Variants in MTHFD2L observed in about 807,000 individuals in gnomAD.
The protein encoded by MTHFD2L is methylenetetrahydrofolate dehydrogenase (NADP+ dependent) 2 like, also known as bifunctional methylenetetrahydrofolate dehydrogenase/cyclohydrolase 2, mitochondrial.
A neutral mutation model predicts 34.9 loss-of-function variants in MTHFD2L; 29 were observed. The ratio of observed to expected loss-of-function variants is 0.83; its 90% CI spans 0.62 to 1.13. The LOEUF (loss-of-function observed/expected upper bound fraction) is 1.13, where lower values mean the gene tolerates loss of function less well. MTHFD2L is among the 50% of genes most tolerant of loss of function. The probability of loss-of-function intolerance (pLI) is 0.00; values close to 1 mark genes in which losing one functional copy is unlikely to be tolerated. For synonymous variants in MTHFD2L, 167 were observed against 155.7 expected, an observed-to-expected ratio of 1.07 and a Z score of -0.54; for missense variants, 481 against 446.5, an observed-to-expected ratio of 1.08 and a Z score of -0.70.
At chr4:74,275,868 T>C (rs1173167812) in intron 6 of MTHFD2L, among the ~76,000 whole-genome samples, 2 of 152,164 alleles carry the variant, frequency 1.3e-5, no homozygotes, top group African/African-American at 2.4e-5. Context: ...ATATGGTAGA[T>C]TGCAAAAATT....
intron 7 of MTHFD2L, among the ~76,000 whole-genome samples, chr4:74,289,793 T>C (rs1052362430): frequency 4.0e-5 from 6 of 151,570 alleles, no homozygotes; most frequent in African/African-American, 7.3e-5. Flanking sequence ...AAGAGAAGAA[T>C]CAATCAAGTG....
At chr4:74,233,470 T>G (rs1293850346) in intron 6 of MTHFD2L, among the ~76,000 whole-genome samples, 4 of 152,142 alleles carry the variant, frequency 2.6e-5, no homozygotes, top group Non-Finnish European at 4.4e-5. Context: ...GAGAATTACA[T>G]CCTTAGCACA....
At chr4:74,130,765 G>C (rs1030162024) in intron 1 of MTHFD2L, among the ~76,000 whole-genome samples, 5 of 151,994 alleles carry the variant, frequency 3.3e-5, no homozygotes, top group South Asian at 2.1e-4. Flanking sequence ...AGAAATAAAG[G>C]GTATTCAAAT....
chr4:74,295,523 C>T (rs1749521686), intron 7 of MTHFD2L, among the ~76,000 whole-genome samples: 1 of 152,098 alleles, frequency 6.6e-6, no homozygotes, highest in Admixed American at 6.6e-5. Context: ...TTCCTTTCAC[C>T]CCAGATATTA....
intron 7 of MTHFD2L, among the ~76,000 whole-genome samples, chr4:74,282,581 A>G (rs1747640374): frequency 6.6e-6 from 1 of 152,144 alleles, no homozygotes; most frequent in Non-Finnish European, 1.5e-5. Flanking sequence ...CTGGCCCTAT[A>G]TATGTGAGAT....
chr4:74,126,993 A>G (rs1722127628), intron 1 of MTHFD2L, among the ~76,000 whole-genome samples: 2 of 152,088 alleles, frequency 1.3e-5, no homozygotes, highest in African/African-American at 4.8e-5. Context: ...ATGAGTTATC[A>G]TGAGGTCTGA....
At chr4:74,127,759 T>C (rs1193343467) in intron 1 of MTHFD2L, among the ~76,000 whole-genome samples, 3 of 152,186 alleles carry the variant, frequency 2.0e-5, no homozygotes, top group African/African-American at 7.2e-5. Context: ...CTTTTGGATA[T>C]ATACCCAGTA....
intron 3 of MTHFD2L, among the ~76,000 whole-genome samples, chr4:74,197,327 C>T (rs1436769403): frequency 6.6e-6 from 1 of 152,098 alleles, no homozygotes; most frequent in Admixed American, 6.6e-5. Context: ...AGCAGTCAGT[C>T]ACAAACAGGA....
intron 6 of MTHFD2L, among the ~76,000 whole-genome samples, chr4:74,259,333 TGGGTCTAATTCATCCTCATCTCAGCACA>T (rs1348719723): frequency 6.6e-6 from 1 of 152,182 alleles, no homozygotes; most frequent in Non-Finnish European, 1.5e-5. Flanking sequence ...TCAATCATGT[TGGGTCTAATTCATCCTCATCTCAGCACA>T]GGGTAAAGGT....
chr4:74,118,759 C>A (rs1218937599), upstream of MTHFD2L, among the ~76,000 whole-genome samples: 2 of 152,156 alleles, frequency 1.3e-5, no homozygotes, highest in African/African-American at 2.4e-5. Context: ...AGGAGGTGAG[C>A]CAAAGGCAAG....
At chr4:74,297,471 GA>G (rs1055320563) in intron 7 of MTHFD2L, among the ~76,000 whole-genome samples, 68 of 152,032 alleles carry the variant, frequency 4.5e-4, no homozygotes, top group African/African-American at 1.6e-3. Flanking sequence ...CCCTTAAACA[GA>G]CACAAATATG....
chr4:74,219,702 A>AT (rs1737818974), intron 5 of MTHFD2L, among the ~76,000 whole-genome samples: 2 of 152,040 alleles, frequency 1.3e-5, no homozygotes, highest in Admixed American at 6.6e-5. Flanking sequence ...ATTTGAACAC[A>AT]TTTGCTTTTA....
intron 1 of MTHFD2L, among the ~76,000 whole-genome samples, chr4:74,139,541 C>A (rs928701588): frequency 3.9e-5 from 6 of 152,198 alleles, no homozygotes; most frequent in Admixed American, 6.5e-5. Context: ...TGGTAGTCCA[C>A]CTCCATCTCA....
intron 1 of MTHFD2L, among the ~76,000 whole-genome samples, chr4:74,150,488 G>C (rs747077976): frequency 6.6e-6 from 1 of 152,102 alleles, no homozygotes; most frequent in Admixed American, 6.6e-5. Flanking sequence ...TGCCGACCTC[G>C]GGTGATCCGC....
Position 74,136,127 on chromosome 4 carries a change from T to C in MTHFD2L, c.-297+10610T>C, listed in dbSNP as rs142534382. Reference sequence around the variant, plus strand: ...CTGTTATTCAATATAATACTGGAAGTCCTGGCCAGAGCAATTAGGTAAGAA... The same window carrying C: ...CTGTTATTCAATATAATACTGGAAGCCCTGGCCAGAGCAATTAGGTAAGAA... On this transcript the variant is annotated intron_variant, in intron 1 of 7. Coordinates refer to the MTHFD2L transcript ENST00000433372. 2.8e-3 allele frequency among the ~76,000 whole-genome samples: 424 copies of C among 151,994 alleles called. 1 individual carries two copies. The highest frequency in any genetic ancestry group is 9.4e-3 in the African/African-American group (392 of 41,486).
chr4:74,264,826 T>C, intron 6 of MTHFD2L, among the ~76,000 whole-genome samples: 1 of 152,166 alleles, frequency 6.6e-6, no homozygotes, highest in Non-Finnish European at 1.5e-5. Flanking sequence ...TACCTTAATA[T>C]GTTATTTAAT....
chr4:74,267,397 T>C (rs866898693), intron 6 of MTHFD2L: 8 of 347,348 alleles, frequency 2.3e-5, no homozygotes, highest in Middle Eastern at 1.4e-3. Context: ...CTTTCTTTTC[T>C]TTCTTTCTTT....
rs183940501 is a variant in MTHFD2L, at chr4:74,166,596, A to G, written c.144-7910A>G. 1.3e-3 allele frequency among the ~76,000 whole-genome samples: 193 copies of G among 152,326 alleles called. 1 individual carries two copies. Among genetic ancestry groups the G allele is most frequent in the Non-Finnish European group, 8.7e-4 (59 of 68,030 alleles). On this transcript the variant is annotated intron_variant, in intron 1 of 7. Coordinates refer to ENST00000325278, the MANE Select transcript of MTHFD2L (RefSeq NM_001144978.3). ...GGTCTGTTTGTTGAATATGTTGATT[A>G]ATAATGACCAACAACTTTTGAAAAA...
chr4:74,158,381 G>A, intron 1 of MTHFD2L, 100 bp downstream of exon 1: 2 of 908,460 alleles, frequency 2.2e-6, no homozygotes, highest in Admixed American at 5.7e-5. Context: ...GCTCGTGGGC[G>A]GCCGCGCGGC....
Sources: gnomAD v4.1 joint callset for allele counts (sites outside exome capture counted in the v4.1 genomes callset) on GRCh38, gnomAD v4.1.1 for gene constraint, MANE v1.5 for transcripts, NCBI Gene and HGNC (gene_info 2026-07-23, HGNC 2026-07-21) for gene names.